Variants in AURKA observed in about 807,000 individuals in gnomAD.
The protein encoded by AURKA is aurora 2.
Under a neutral mutation model 40.9 loss-of-function variants are expected in AURKA, and 12 were observed. That is an observed-to-expected ratio of 0.29 (90% CI 0.19 to 0.48). AURKA has a LOEUF of 0.48. Ranked by LOEUF, AURKA falls within the 20% of genes least tolerant of loss-of-function variation. The pLI, the probability that AURKA is intolerant of heterozygous loss-of-function variation, is 0.99. For synonymous variants in AURKA, 170 were observed against 164.3 expected, an observed-to-expected ratio of 1.03 and a Z score of -0.26; for missense variants, 322 against 462.1, an observed-to-expected ratio of 0.70 and a Z score of 2.78.
At chr20:56,374,312 A>T (rs961332300) in intron 6 of AURKA, among the ~76,000 whole-genome samples, 6 of 152,200 alleles carry the variant, frequency 3.9e-5, no homozygotes, top group Non-Finnish European at 8.8e-5. Flanking sequence ...AAGGATTCAG[A>T]TGTGTAAATA....
chr20:56,379,233 T>C (rs1985371234), intron 6 of AURKA, among the ~76,000 whole-genome samples: 1 of 152,098 alleles, frequency 6.6e-6, no homozygotes, highest in Non-Finnish European at 1.5e-5. Flanking sequence ...GGTTCCCACG[T>C]GGCAGCTGGT....
Position 56,373,313 on chromosome 20 carries a change from G to A in AURKA, c.854+95C>T. 3 of 1,582,928 alleles carry A rather than the reference G, an allele frequency of 1.9e-6. No homozygotes were observed. Among genetic ancestry groups the A allele is most frequent in the Non-Finnish European group, 2.6e-6 (3 of 1,155,428 alleles). ...GGGTTAGCCACCTACCCCTCTTACA[G>A]CACAAAATCTACACTGAAATATTTT... On this transcript the variant is annotated intron_variant, in intron 7 of 8. Transcript: ENST00000395915. This position sits in a 1 kb window ranked among gnomAD's most constrained non-coding sequence, Gnocchi z 5.0.
intron 2 of AURKA, among the ~76,000 whole-genome samples, chr20:56,387,799 T>C (rs532239500): frequency 2.6e-5 from 4 of 152,228 alleles, no homozygotes; most frequent in Admixed American, 6.5e-5. Context: ...ATGGCCGTTA[T>C]CATAGGAACT....
At chr20:56,388,236 A>G (rs774086743) in intron 1 of AURKA, 34 bp from the exon 2 acceptor site, 1 of 1,066,016 alleles carries the variant, frequency 9.4e-7, no homozygotes, top group African/African-American at 3.5e-5. Flanking sequence ...TAATTTGAAC[A>G]AAGCCACCTG....
At chr20:56,383,629 C>T (rs1043174050) in intron 4 of AURKA, among the ~76,000 whole-genome samples, 2 of 152,236 alleles carry the variant, frequency 1.3e-5, no homozygotes, top group Non-Finnish European at 2.9e-5. Flanking sequence ...GTGGTGGAGA[C>T]AGAGCCACTG....
chr20:56,375,459 A>G (rs1984816972), intron 6 of AURKA, among the ~76,000 whole-genome samples: 1 of 151,924 alleles, frequency 6.6e-6, no homozygotes, highest in African/African-American at 2.4e-5. Flanking sequence ...ATTTATTTTA[A>G]CATACAGATA....
chr20:56,386,777 A>C (rs192441503), intron 2 of AURKA, among the ~76,000 whole-genome samples: 1 of 152,298 alleles, frequency 6.6e-6, no homozygotes, highest in Admixed American at 6.5e-5. Flanking sequence ...TTTATTAACA[A>C]ATATCCATTA....
At chr20:56,383,968 G>A (rs757122529) in intron 4 of AURKA, among the ~76,000 whole-genome samples, 3 of 152,108 alleles carry the variant, frequency 2.0e-5, no homozygotes, top group Non-Finnish European at 4.4e-5. Context: ...AAGTACAGAC[G>A]CATAAACCAT....
At chr20:56,374,451 G>A (rs2146146058) in intron 6 of AURKA, among the ~76,000 whole-genome samples, 1 of 152,222 alleles carries the variant, frequency 6.6e-6, no homozygotes, top group South Asian at 2.1e-4. Flanking sequence ...AGAATATCAG[G>A]AGAAAAAATT....
At chr20:56,376,174 CAACA>C (rs1984895598) in intron 6 of AURKA, among the ~76,000 whole-genome samples, 3 of 152,032 alleles carry the variant, frequency 2.0e-5, no homozygotes, top group Admixed American at 2.0e-4. Flanking sequence ...TGACCTGAAA[CAACA>C]AACTACAACC....
intron 2 of AURKA, 71 bp downstream of exon 2, chr20:56,388,085 A>G (rs1414835305): frequency 7.6e-5 from 7 of 92,514 alleles, no homozygotes; most frequent in Non-Finnish European, 1.2e-4. Context: ...AAAGGCGGAA[A>G]GAATTCCCGA....
At position 56,383,085 on chromosome 20, in the gene AURKA, TG is replaced by T; in HGVS notation, c.465del (p.Ser155ArgfsTer28). ...GNVYLAREKQ[S>X]KFILALKVLF... Reference sequence around the variant, plus strand: ...AACACTTTAAGAGCCAGAATAAACTTGCTTTGCTTTTCTCTTGCCAAATAAA... The same window carrying T: ...AACACTTTAAGAGCCAGAATAAACTTCTTTGCTTTTCTCTTGCCAAATAAA... On this transcript the variant is annotated frameshift_variant, in exon 5 of 9. Transcript: ENST00000395915. LOFTEE classifies it high-confidence loss of function. 6.2e-7 allele frequency: 1 copy of T among 1,614,256 alleles called. No homozygotes were observed. Among genetic ancestry groups the T allele is most frequent in the Non-Finnish European group, 8.5e-7 (1 of 1,180,050 alleles).
rs897588664 is a variant in AURKA, at chr20:56,369,912, C to G, written c.*246G>C. The G allele has an allele frequency of 1.7e-6, 1 of 586,422 alleles. No individual in the cohort carries two copies. Among genetic ancestry groups the G allele is most frequent in the East Asian group, 3.0e-5 (1 of 33,184 alleles). 36.3% of individuals were successfully genotyped at this position (586,422 alleles called of 1,614,324 possible). A position where few individuals can be genotyped will look rare whatever the true frequency, so the allele number is the denominator to read the frequency against. ...CGGGGCGGCTGCAGTCGAACCTTGCCTCCAGATTATGAACCAGTATAAGTA... is the reference window on the plus strand; with the variant it reads ...CGGGGCGGCTGCAGTCGAACCTTGCGTCCAGATTATGAACCAGTATAAGTA... On this transcript the variant is annotated 3_prime_UTR_variant, in exon 9 of 9. Coordinates refer to ENST00000395915, the MANE Select transcript of AURKA (RefSeq NM_198437.3).
rs1218336937 is a variant in AURKA at position 56,373,275 on chromosome 20, C to T, written c.854+133G>A. ...AGTTTATTATTAAGCCTAAATTACTCCAAAGTACTTCTGGGTTAGCCACCT... is the reference window on the plus strand; with the variant it reads ...AGTTTATTATTAAGCCTAAATTACTTCAAAGTACTTCTGGGTTAGCCACCT... On this transcript the variant is annotated intron_variant, in intron 7 of 8. Transcript: ENST00000395915. This position sits in a 1 kb window ranked among gnomAD's most constrained non-coding sequence, Gnocchi z 5.0. 3.3e-6 allele frequency: 4 copies of T among 1,217,478 alleles called. No individual in the cohort carries two copies. Among genetic ancestry groups the T allele is most frequent in the Middle Eastern group, 5.4e-4 (2 of 3,692 alleles). The allele number at this position is 1,217,478 out of a possible 1,614,324, so 75.4% of individuals were successfully genotyped here.
chr20:56,374,675 A>G (rs978245881), intron 6 of AURKA, among the ~76,000 whole-genome samples: 2 of 151,846 alleles, frequency 1.3e-5, no homozygotes, highest in Admixed American at 6.6e-5. Context: ...GCCTCAAGTG[A>G]TCCTCCCATC....
chr20:56,381,615 C>G, intron 5 of AURKA, 44 bp from the exon 6 acceptor site: 1 of 1,609,240 alleles, frequency 6.2e-7, no homozygotes, highest in South Asian at 1.1e-5. Flanking sequence ...TTGGAGCTCA[C>G]AGAAGACTAT....
At chr20:56,377,437 G>A (rs376983348) in intron 6 of AURKA, among the ~76,000 whole-genome samples, 3 of 151,844 alleles carry the variant, frequency 2.0e-5, no homozygotes, top group East Asian at 1.9e-4. Context: ...AAAAAAAAGA[G>A]CAAAAGATTT....
chr20:56,378,975 T>C (rs1985330975), intron 6 of AURKA, among the ~76,000 whole-genome samples: 1 of 152,186 alleles, frequency 6.6e-6, no homozygotes, highest in Non-Finnish European at 1.5e-5. Context: ...TGGCATTGTG[T>C]ATTTGTCGAA....
chr20:56,370,450 GC>G, intron 8 of AURKA, 34 bp downstream of exon 8: 1 of 1,614,144 alleles, frequency 6.2e-7, no homozygotes. Flanking sequence ...AAGAATTCCA[GC>G]AGATGTGCTG....
Sources: allele counts gnomAD v4.1 joint callset (sites outside exome capture counted in the v4.1 genomes callset), GRCh38; gene constraint gnomAD v4.1.1; non-coding constraint Gnocchi (gnomAD v3.1); transcripts MANE v1.5; gene names NCBI Gene and HGNC (gene_info 2026-07-23, HGNC 2026-07-21).